UNC5D: variants seen among roughly 807,000 people sequenced by gnomAD.
UNC5D encodes unc-5 netrin receptor D.
A neutral mutation model predicts 105.4 loss-of-function variants in UNC5D; 39 were observed. The observed-to-expected ratio is 0.37, with a 90% confidence interval of 0.29 to 0.48. The LOEUF (loss-of-function observed/expected upper bound fraction) is 0.48, where lower values mean the gene tolerates loss of function less well. Ranked by LOEUF, UNC5D falls within the 20% of genes least tolerant of loss-of-function variation. UNC5D has a pLI of 0.98. For missense variants in UNC5D, 991 were observed against 1,202.4 expected, an observed-to-expected ratio of 0.82 and a Z score of 2.60; for synonymous variants, 452 against 450.4, an observed-to-expected ratio of 1.00 and a Z score of -0.04.
At chr8:35,429,819 T>G (rs930507122) in intron 1 of UNC5D, among the ~76,000 whole-genome samples, 9 of 152,164 alleles carry the variant, frequency 5.9e-5, no homozygotes, top group African/African-American at 1.4e-4. Context: ...CAATGATCTT[T>G]TTTTTGTTAC....
intron 1 of UNC5D, among the ~76,000 whole-genome samples, chr8:35,533,240 T>A (rs1324768627): frequency 6.6e-6 from 1 of 152,250 alleles, no homozygotes; most frequent in Non-Finnish European, 1.5e-5. Context: ...GGATGTCCTT[T>A]CTGTTTGTTA....
intron 1 of UNC5D, among the ~76,000 whole-genome samples, chr8:35,372,596 A>ATTTTATTATTTTT (rs550379018): frequency 3.3e-5 from 5 of 151,908 alleles, no homozygotes; most frequent in African/African-American, 1.2e-4. Flanking sequence ...ATGCTCTAAT[A>ATTTTATTATTTTT]TTTTATTATT....
chr8:35,548,139 T>C (rs919076381), intron 1 of UNC5D, among the ~76,000 whole-genome samples: 5 of 152,146 alleles, frequency 3.3e-5, no homozygotes, highest in African/African-American at 1.2e-4. Flanking sequence ...ACTCAAATGT[T>C]AATTTGACAT....
intron 1 of UNC5D, among the ~76,000 whole-genome samples, chr8:35,282,494 A>G (rs933790764): frequency 2.0e-5 from 3 of 152,190 alleles, no homozygotes; most frequent in African/African-American, 7.2e-5. Context: ...ATAGGGCATA[A>G]GGAGTTGTCA....
At chr8:35,710,962 G>C (rs112326462) in intron 8 of UNC5D, among the ~76,000 whole-genome samples, 1,669 of 106,550 alleles carry the variant, frequency 0.016, 9 homozygotes, top group African/African-American at 0.088. Flanking sequence ...TTTTTGAGAC[G>C]GAGTCTCGCT....
chr8:35,493,987 G>A (rs1563471032), intron 1 of UNC5D, among the ~76,000 whole-genome samples: 2 of 151,910 alleles, frequency 1.3e-5, no homozygotes, highest in Admixed American at 6.6e-5. Flanking sequence ...TGGATACACC[G>A]GGAGAGGACT....
At chr8:35,505,543 T>C (rs996935544) in intron 1 of UNC5D, among the ~76,000 whole-genome samples, 2 of 152,084 alleles carry the variant, frequency 1.3e-5, no homozygotes, top group African/African-American at 4.8e-5. Flanking sequence ...AAGATAGGAT[T>C]GGGAGGTTTG....
intron 1 of UNC5D, among the ~76,000 whole-genome samples, chr8:35,357,181 T>C (rs1233268978): frequency 6.6e-6 from 1 of 152,152 alleles, no homozygotes; most frequent in Non-Finnish European, 1.5e-5. Flanking sequence ...AAGGATCATC[T>C]TAATGTAAAA....
At chr8:35,575,180 T>G (rs1015014757) in intron 3 of UNC5D, among the ~76,000 whole-genome samples, 1 of 152,230 alleles carries the variant, frequency 6.6e-6, no homozygotes, top group African/African-American at 2.4e-5. Flanking sequence ...ATTTGTGGAT[T>G]TATGTCCCTA....
In UNC5D at chr8:35,759,310, T is replaced by C; in HGVS notation, c.2164-10T>C. 1 of 1,607,570 alleles carries C rather than the reference T, an allele frequency of 6.2e-7. No homozygotes were observed. The highest frequency in any genetic ancestry group is 8.5e-7 in the Non-Finnish European group (1 of 1,178,534). ...ATTATTGATCTTATTTTCTTTTTCT[T>C]CTCCTATAGGAAGTGGTTTCAGATG... On this transcript the variant is annotated splice_polypyrimidine_tract_variant and intron_variant, in intron 13 of 16. Transcript: ENST00000404895.
rs183725212 is a variant in UNC5D at position 35,545,803 on chromosome 8, C to T, written c.104-3489C>T. Among the ~76,000 whole-genome samples, 106 of 152,206 alleles carry T rather than the reference C, an allele frequency of 7.0e-4. 2 individuals carry two copies. Among genetic ancestry groups the T allele is most frequent in the Admixed American group, 6.9e-3 (106 of 15,288 alleles). Reference sequence around the variant, plus strand: ...TCCTTCTTTTCTTATTTTCATGGATCCCAACAATTTTTGTATTTATGTAAT... The same window carrying T: ...TCCTTCTTTTCTTATTTTCATGGATTCCAACAATTTTTGTATTTATGTAAT... On this transcript the variant is annotated intron_variant, in intron 1 of 16. Coordinates refer to ENST00000404895, the MANE Select transcript of UNC5D (RefSeq NM_080872.4).
intron 8 of UNC5D, among the ~76,000 whole-genome samples, chr8:35,721,956 A>G (rs935646341): frequency 6.6e-6 from 1 of 152,240 alleles, no homozygotes; most frequent in African/African-American, 2.4e-5. Flanking sequence ...AATTGATTAT[A>G]TTCAAGAGTC....
intron 1 of UNC5D, among the ~76,000 whole-genome samples, chr8:35,284,362 A>T (rs546555842): frequency 9.9e-4 from 151 of 152,314 alleles, no homozygotes; most frequent in Middle Eastern, 6.8e-3. Context: ...AGAATGACAA[A>T]AATATTACCT....
At chr8:35,713,852 C>A (rs1028382814) in intron 8 of UNC5D, among the ~76,000 whole-genome samples, 1 of 152,012 alleles carries the variant, frequency 6.6e-6, no homozygotes, top group Admixed American at 6.5e-5. Context: ...CAGGTTTGAC[C>A]AAAGAATAGG....
At chr8:35,546,477 G>A (rs1815689186) in intron 1 of UNC5D, among the ~76,000 whole-genome samples, 1 of 152,166 alleles carries the variant, frequency 6.6e-6, no homozygotes, top group Non-Finnish European at 1.5e-5. Context: ...ACTAGTAAAG[G>A]AAAAGTGCAT....
At chr8:35,389,498 C>T (rs185970436) in intron 1 of UNC5D, among the ~76,000 whole-genome samples, 57 of 152,242 alleles carry the variant, frequency 3.7e-4, no homozygotes, top group Non-Finnish European at 5.9e-4. Context: ...CATAACATGA[C>T]TGTAATGATG....
chr8:35,538,587 G>A (rs192715629), intron 1 of UNC5D, among the ~76,000 whole-genome samples: 482 of 151,782 alleles, frequency 3.2e-3, no homozygotes, highest in African/African-American at 0.011. Context: ...AAGAGAAAAA[G>A]GATCCATTGT....
chr8:35,316,149 T>TATTTATTTAAATTAA (rs1809291174), intron 1 of UNC5D, among the ~76,000 whole-genome samples: 2 of 152,210 alleles, frequency 1.3e-5, no homozygotes, highest in African/African-American at 4.8e-5. Context: ...GTTGAATAGC[T>TATTTATTTAAATTAA]GTATTGTTTT....
At chr8:35,632,159 G>A (rs1358525730) in intron 4 of UNC5D, among the ~76,000 whole-genome samples, 1 of 152,226 alleles carries the variant, frequency 6.6e-6, no homozygotes, top group Non-Finnish European at 1.5e-5. Flanking sequence ...CAAATCTGTA[G>A]CTCTGCTGTC....
Sources: allele counts gnomAD v4.1 joint callset (sites outside exome capture counted in the v4.1 genomes callset), GRCh38; gene constraint gnomAD v4.1.1; transcripts MANE v1.5; gene names NCBI Gene and HGNC (gene_info 2026-07-23, HGNC 2026-07-21).